The following TBCD variants were observed in gnomAD, a reference collection of about 807,000 sequenced individuals.
TBCD encodes tubulin-specific chaperone D.
TBCD carries 105 observed loss-of-function variants against 169.3 expected under a neutral mutation model. The observed-to-expected ratio is 0.62, with a 90% CI of 0.53 to 0.73. The LOEUF (loss-of-function observed/expected upper bound fraction) is 0.73, where lower values mean the gene tolerates loss of function less well. TBCD is among the 30% of genes least tolerant of loss of function. The pLI is 0.00. For missense variants in TBCD, 1,444 were observed against 1,600.1 expected, an observed-to-expected ratio of 0.90 and a Z score of 1.66; for synonymous variants, 700 against 643.9, an observed-to-expected ratio of 1.09 and a Z score of -1.32.
intron 2 of TBCD, among the ~76,000 whole-genome samples, chr17:82,759,126 C>G (rs2047612113): frequency 6.6e-6 from 1 of 152,116 alleles, no homozygotes; most frequent in Non-Finnish European, 1.5e-5. Context: ...GTGATCTTCT[C>G]ACTTCAGCCT....
rs1327914743 is a variant in TBCD, at chr17:82,880,927, C to T, written c.1476-3218C>T. Among the ~76,000 whole-genome samples the T allele has an allele frequency of 6.6e-6, 1 of 151,950 alleles. No individual in the cohort carries two copies. Among genetic ancestry groups the T allele is most frequent in the South Asian group, 2.1e-4 (1 of 4,824 alleles). On this transcript the variant is annotated intron_variant, in intron 14 of 38. Coordinates refer to ENST00000355528, the MANE Select transcript of TBCD (RefSeq NM_005993.5). The surrounding 1 kb of genome is among the most constrained non-coding windows in gnomAD (Gnocchi z 5.0). Reference sequence around the variant, plus strand: ...ACTTTGGATGGCTCCAGGCGGAACTCGGGGAAGGAGGCCGTGTACTCCCAT... The same window carrying T: ...ACTTTGGATGGCTCCAGGCGGAACTTGGGGAAGGAGGCCGTGTACTCCCAT...
chr17:82,940,369 T>C (rs35726044), intron 37 of TBCD, among the ~76,000 whole-genome samples: 18,531 of 152,226 alleles, frequency 0.12, 1,231 homozygotes, highest in South Asian at 0.25. Context: ...TGCCTGTGGA[T>C]GCTGCTCTGT....
chr17:82,754,912 A>C (rs12453281), intron 1 of TBCD, among the ~76,000 whole-genome samples: 1,804 of 152,370 alleles, frequency 0.012, 103 homozygotes, highest in Admixed American at 0.099. Context: ...GGATATGTCA[A>C]CCAAAAAGTA....
intron 14 of TBCD, among the ~76,000 whole-genome samples, chr17:82,872,381 G>T (rs948658685): frequency 2.0e-5 from 3 of 152,256 alleles, no homozygotes; most frequent in Admixed American, 6.5e-5. Flanking sequence ...CTCTGGCAGC[G>T]CTGCTGGGCA....
chr17:82,805,552 G>A (rs188270736), intron 9 of TBCD, among the ~76,000 whole-genome samples: 81 of 152,292 alleles, frequency 5.3e-4, no homozygotes, highest in Non-Finnish European at 9.3e-4. Context: ...CCCGAAGGCC[G>A]GGTGCTTCCC....
rs745415406 is a variant in TBCD, at chr17:82,905,940, C to T, written c.1809C>T (p.Phe603=). The change falls in exon 20 of 39, where the codon TTC becomes TTT. Residue 603 remains phenylalanine (F), a synonymous_variant. Transcript: ENST00000355528. The part of the protein sequence containing the change: ...QAPEFSATQV[F]PRLLSMTLSP... ...TCTCGGCCCTGTCTCTTGCAGTCTT[C>T]CCGAGGCTGCTGTCCATGACACTGA... The T allele has an allele frequency of 1.9e-6, 3 of 1,610,624 alleles. No individual in the cohort carries two copies. Among genetic ancestry groups the T allele is most frequent in the South Asian group, 1.1e-5 (1 of 90,210 alleles).
intron 17 of TBCD, 60 bp from the exon 18 acceptor site, chr17:82,900,591 C>A: frequency 7.4e-7 from 1 of 1,359,292 alleles, no homozygotes; most frequent in Admixed American, 1.7e-5. Flanking sequence ...AATTCCCACC[C>A]ACAGGCAGTG....
chr17:82,828,414 A>G (rs898312967), intron 13 of TBCD, among the ~76,000 whole-genome samples: 1 of 147,952 alleles, frequency 6.8e-6, no homozygotes, highest in Non-Finnish European at 1.5e-5. Flanking sequence ...ATGCACACAC[A>G]CCCGCAGATA....
chr17:82,798,235 C>T (rs1334821047), intron 8 of TBCD, among the ~76,000 whole-genome samples: 4 of 149,070 alleles, frequency 2.7e-5, no homozygotes, highest in Non-Finnish European at 6.0e-5. Flanking sequence ...CAAACTCCGC[C>T]TCCTGGATTC....
chr17:82,911,885 C>T, intron 23 of TBCD, 96 bp downstream of exon 23: 1 of 1,339,534 alleles, frequency 7.5e-7, no homozygotes, highest in Non-Finnish European at 1.1e-6. Context: ...CCATTAGCCC[C>T]CAGGGTGAAG....
intron 14 of TBCD, among the ~76,000 whole-genome samples, chr17:82,879,604 A>C (rs186358209): frequency 1.3e-5 from 2 of 152,126 alleles, no homozygotes; most frequent in Non-Finnish European, 1.5e-5. Flanking sequence ...GGATGCAGAC[A>C]CGTCTGCCGC....
chr17:82,788,522 T>A (rs1428499205), intron 7 of TBCD, among the ~76,000 whole-genome samples: 2 of 152,174 alleles, frequency 1.3e-5, no homozygotes, highest in Non-Finnish European at 2.9e-5. Flanking sequence ...TTCTTTTTAT[T>A]TTTATCATTG....
At chr17:82,802,642 G>A (rs2050657033) in intron 9 of TBCD, among the ~76,000 whole-genome samples, 2 of 152,238 alleles carry the variant, frequency 1.3e-5, no homozygotes, top group Non-Finnish European at 2.9e-5. Flanking sequence ...CCAGTTGAGA[G>A]ATTGCCAGGC....
At chr17:82,760,888 C>G (rs2143890794) in intron 2 of TBCD, among the ~76,000 whole-genome samples, 1 of 152,188 alleles carries the variant, frequency 6.6e-6, no homozygotes, top group East Asian at 1.9e-4. Flanking sequence ...TCTTTTGGCA[C>G]TGGCTTTTTT....
chr17:82,933,565 TG>T (rs1328520484), intron 34 of TBCD, among the ~76,000 whole-genome samples: 3 of 150,776 alleles, frequency 2.0e-5, no homozygotes, highest in Non-Finnish European at 4.4e-5. Context: ...TATTTGTATC[TG>T]GGGCACGTTG....
intron 11 of TBCD, among the ~76,000 whole-genome samples, chr17:82,808,882 C>T (rs2051217975): frequency 6.9e-6 from 1 of 145,576 alleles, no homozygotes; most frequent in Non-Finnish European, 1.5e-5. Context: ...TCAGGGTGGT[C>T]CCTGCTATGG....
At chr17:82,926,601 T>A (rs988774669) in intron 28 of TBCD, 110 bp downstream of exon 28, 11 of 877,386 alleles carry the variant, frequency 1.3e-5, no homozygotes, top group Non-Finnish European at 1.8e-5. Flanking sequence ...CTTCACTTCC[T>A]AGGTTTCCTC....
intron 14 of TBCD, among the ~76,000 whole-genome samples, chr17:82,873,356 A>G (rs1027827591): frequency 1.1e-4 from 16 of 151,078 alleles, no homozygotes; most frequent in Non-Finnish European, 5.9e-5. Flanking sequence ...ACCTCCACTC[A>G]CCTGGGAGGG....
In TBCD at chr17:82,832,125, G is replaced by A. The variant is rs2053575852; in HGVS notation, c.1318+17191G>A. The A allele has an allele frequency of 2.5e-6, 4 of 1,614,214 alleles. No individual in the cohort carries two copies. In the East Asian group the frequency reaches 6.7e-5, roughly 27 times the overall value. ...CTTGCAGCTCCAGGTTTTCCTTGATGTCTTCCCTGGCAGAGCTGTGCTGAA... is the reference window on the plus strand; with the variant it reads ...CTTGCAGCTCCAGGTTTTCCTTGATATCTTCCCTGGCAGAGCTGTGCTGAA... On this transcript the variant is annotated intron_variant, in intron 13 of 38. Coordinates refer to ENST00000355528, the MANE Select transcript of TBCD (RefSeq NM_005993.5). This position sits in a 1 kb window ranked among gnomAD's most constrained non-coding sequence, Gnocchi z 4.9.
Sources: gnomAD v4.1 joint callset for allele counts (sites outside exome capture counted in the v4.1 genomes callset) on GRCh38, gnomAD v4.1.1 for gene constraint, Gnocchi (gnomAD v3.1) non-coding constraint, MANE v1.5 for transcripts, NCBI Gene and HGNC (gene_info 2026-07-23, HGNC 2026-07-21) for gene names.